CDYL: variants seen among roughly 807,000 people sequenced by gnomAD.
CDYL encodes chromodomain Y-like protein.
CDYL carries 8 observed loss-of-function variants against 47.3 expected under a neutral mutation model. The observed-to-expected ratio is 0.17, with a 90% CI of 0.10 to 0.31. The LOEUF (loss-of-function observed/expected upper bound fraction) is 0.31, where lower values mean the gene tolerates loss of function less well. Ranked by LOEUF, CDYL falls within the 10% of genes least tolerant of loss-of-function variation. CDYL has a pLI of 1.00. For synonymous variants in CDYL, 266 were observed against 265.0 expected (o/e 1.00, Z -0.04); for missense variants, 471 against 701.4 (o/e 0.67, Z 3.71).
chr6:4,904,824 T>G (rs1757178406), intron 2 of CDYL, among the ~76,000 whole-genome samples: 1 of 152,206 alleles, frequency 6.6e-6, no homozygotes, highest in East Asian at 1.9e-4. Flanking sequence ...CAGGTTGTAC[T>G]TAGGACCCGT....
At chr6:4,722,003 T>G (rs1757378857) in intron 2 of CDYL, among the ~76,000 whole-genome samples, 1 of 152,088 alleles carries the variant, frequency 6.6e-6, no homozygotes, top group Admixed American at 6.6e-5. Context: ...GCTGGGATTA[T>G]AGGCATGTGC....
intron 1 of CDYL, among the ~76,000 whole-genome samples, chr6:4,783,332 A>G (rs1758667987): frequency 6.6e-6 from 1 of 151,898 alleles, no homozygotes; most frequent in South Asian, 2.1e-4. Context: ...TTCAAATAAA[A>G]CCAGTTAATT....
At chr6:4,807,967 T>G (rs927666114) in intron 1 of CDYL, among the ~76,000 whole-genome samples, 1 of 152,140 alleles carries the variant, frequency 6.6e-6, no homozygotes, top group Non-Finnish European at 1.5e-5. Flanking sequence ...TCCAGTATTC[T>G]TATTCTGTTA....
intron 1 of CDYL, among the ~76,000 whole-genome samples, chr6:4,709,189 T>C (rs1033548032): frequency 4.6e-5 from 7 of 151,904 alleles, no homozygotes; most frequent in African/African-American, 1.7e-4. Flanking sequence ...CTGCTATTCA[T>C]TGCACCCAGT....
chr6:4,750,434 T>C (rs1168171317), intron 3 of CDYL, among the ~76,000 whole-genome samples: 2 of 152,076 alleles, frequency 1.3e-5, no homozygotes, highest in African/African-American at 2.4e-5. Flanking sequence ...ACTCCTGACC[T>C]CAACTGACCC....
chr6:4,850,127 A>G (rs1158728589), intron 1 of CDYL, among the ~76,000 whole-genome samples: 1 of 152,240 alleles, frequency 6.6e-6, no homozygotes, highest in Admixed American at 6.5e-5. Context: ...TTATAATTGC[A>G]CATAGGATAA....
At chr6:4,808,135 G>C (rs1360556409) in intron 1 of CDYL, among the ~76,000 whole-genome samples, 3 of 152,110 alleles carry the variant, frequency 2.0e-5, no homozygotes, top group Non-Finnish European at 4.4e-5. Flanking sequence ...GCACTTGAGG[G>C]AGCACTGTTT....
intron 1 of CDYL, among the ~76,000 whole-genome samples, chr6:4,875,248 T>C (rs745509554): frequency 9.9e-5 from 15 of 152,214 alleles, no homozygotes; most frequent in Non-Finnish European, 1.9e-4. Context: ...TGGTGAGAGC[T>C]GAAGAACTTT....
In CDYL at chr6:4,853,395, G is replaced by A. The variant is rs538606868; in HGVS notation, c.25-38318G>A. ...CAAAGCTAAGCTGCTAGATGGCAGA[G>A]CCTGCATCTGAATCCAGGACTTCCA... is the stretch of plus-strand genomic sequence containing the variant. On this transcript the variant is annotated intron_variant, in intron 1 of 6. Coordinates refer to ENST00000397588, the MANE Select transcript of CDYL (RefSeq NM_004824.4). Among the ~76,000 whole-genome samples, 6 of 152,324 alleles carry A rather than the reference G, an allele frequency of 3.9e-5. No individual in the cohort carries two copies. In the East Asian group the frequency reaches 1.2e-3, roughly 29 times the overall value.
At chr6:4,793,311 G>T (rs574939730) in intron 1 of CDYL, among the ~76,000 whole-genome samples, 7 of 152,290 alleles carry the variant, frequency 4.6e-5, no homozygotes, top group Non-Finnish European at 8.8e-5. Context: ...TTATTCTAGT[G>T]GTGGCAACAG....
chr6:4,928,371 A>G (rs557130775), intron 2 of CDYL, among the ~76,000 whole-genome samples: 61 of 152,094 alleles, frequency 4.0e-4, no homozygotes, highest in Non-Finnish European at 7.4e-4. Flanking sequence ...ATTTTAGTTC[A>G]GGATTATGGA....
intron 1 of CDYL, among the ~76,000 whole-genome samples, chr6:4,781,541 C>T (rs1758619058): frequency 6.6e-6 from 1 of 152,128 alleles, no homozygotes; most frequent in Non-Finnish European, 1.5e-5. Flanking sequence ...GCTCTTTTTC[C>T]TGTGAGTTGC....
chr6:4,862,384 C>T (rs557427289), intron 1 of CDYL, among the ~76,000 whole-genome samples: 105 of 152,290 alleles, frequency 6.9e-4, no homozygotes, highest in South Asian at 2.1e-3. Context: ...AAGCCCATGA[C>T]GTGGCCATCA....
intron 3 of CDYL, among the ~76,000 whole-genome samples, chr6:4,751,074 C>G (rs970990040): frequency 3.3e-5 from 5 of 152,004 alleles, no homozygotes; most frequent in African/African-American, 1.2e-4. Context: ...CCAGGATGGT[C>G]TCGATCTCCT....
intron 1 of CDYL, among the ~76,000 whole-genome samples, chr6:4,798,119 T>G (rs1759127757): frequency 6.6e-6 from 1 of 152,044 alleles, no homozygotes; most frequent in Admixed American, 6.6e-5. Flanking sequence ...ACTGTAAGTG[T>G]GTGCCACTAC....
chr6:4,879,365 G>A (rs565502604), intron 1 of CDYL, among the ~76,000 whole-genome samples: 5 of 152,190 alleles, frequency 3.3e-5, no homozygotes, highest in South Asian at 4.2e-4. Context: ...GTGAATACAC[G>A]TTTAGGGTTG....
At chr6:4,872,141 T>C (rs1302890926) in intron 1 of CDYL, among the ~76,000 whole-genome samples, 1 of 152,214 alleles carries the variant, frequency 6.6e-6, no homozygotes, top group Non-Finnish European at 1.5e-5. Context: ...TTTATTCCTC[T>C]GGTGGAAATA....
At chr6:4,879,429 CT>C (rs1194853932) in intron 1 of CDYL, among the ~76,000 whole-genome samples, 2 of 151,572 alleles carry the variant, frequency 1.3e-5, no homozygotes, top group Non-Finnish European at 2.9e-5. Flanking sequence ...CTATTTATGT[CT>C]TGTAATGCTT....
At chr6:4,797,910 T>G (rs1278672435) in intron 1 of CDYL, among the ~76,000 whole-genome samples, 1 of 152,156 alleles carries the variant, frequency 6.6e-6, no homozygotes, top group Non-Finnish European at 1.5e-5. Flanking sequence ...AGTATGAACA[T>G]GTATTTTCTG....
Sources: allele counts gnomAD v4.1 joint callset (sites outside exome capture counted in the v4.1 genomes callset), GRCh38; gene constraint gnomAD v4.1.1; transcripts MANE v1.5; gene names NCBI Gene and HGNC (gene_info 2026-07-23, HGNC 2026-07-21).